The following ADARB1 variants were observed in gnomAD, a reference collection of about 807,000 sequenced individuals.
ADARB1 encodes the protein adenosine deaminase RNA specific B1.
A neutral mutation model predicts 52.4 loss-of-function variants in ADARB1; 10 were observed. The observed-to-expected ratio is 0.19, with a 90% CI of 0.12 to 0.32. ADARB1 has a LOEUF of 0.32. Among genes scored for constraint, ADARB1 ranks in the 10% least tolerant of loss-of-function variants. The pLI, the probability that ADARB1 is intolerant of heterozygous loss-of-function variation, is 1.00. For missense variants in ADARB1, 643 were observed against 922.3 expected (o/e 0.70, Z 3.92); for synonymous variants, 349 against 371.1 (o/e 0.94, Z 0.68).
At chr21:45,179,329 C>A (rs967598221) in intron 4 of ADARB1, among the ~76,000 whole-genome samples, 2 of 152,240 alleles carry the variant, frequency 1.3e-5, no homozygotes, top group African/African-American at 4.8e-5. Flanking sequence ...AACATCCTGA[C>A]AACTATCTTT....
Position 45,176,291 on chromosome 21 carries a change from A to T in ADARB1, c.590A>T (p.Asp197Val). Residue 197 changes from aspartate to valine, a missense_variant, in exon 4 of 11, where the codon GAT (aspartate) becomes GTT (valine). Transcript: ENST00000348831. This position sits in a 1 kb window ranked among gnomAD's most constrained non-coding sequence, Gnocchi z 5.8. ...CCCTTTTACGTGGGCTCCAATGGGG[A>T]TGACTCCTTCAGTTCCAGCGGGGAC... ...EPPFYVGSNG[D>V]DSFSSSGDLS... The T allele has an allele frequency of 1.2e-6, 2 of 1,614,126 alleles. No individual in the cohort carries two copies. The highest frequency in any genetic ancestry group is 1.7e-6 in the Non-Finnish European group (2 of 1,180,004).
At chr21:45,136,882 G>A (rs1309035476) in intron 2 of ADARB1, among the ~76,000 whole-genome samples, 1 of 152,134 alleles carries the variant, frequency 6.6e-6, no homozygotes, top group Non-Finnish European at 1.5e-5. Context: ...AGTAAAGCTT[G>A]GTTTAAACAG....
chr21:45,172,769 G>A lies in ADARB1; in HGVS notation c.28+1085G>A, dbSNP rs2091538910. On this transcript the variant is annotated intron_variant, in intron 3 of 10. Coordinates refer to ENST00000348831, the MANE Select transcript of ADARB1 (RefSeq NM_001112.4). The surrounding 1 kb of genome is among the most constrained non-coding windows in gnomAD (Gnocchi z 4.4). ...CTGCAGTGCTACCCAGGAACCACGGGACCAGCGTGCTCACCTCACTTCCGC... is the reference window on the plus strand; with the variant it reads ...CTGCAGTGCTACCCAGGAACCACGGAACCAGCGTGCTCACCTCACTTCCGC... Among the ~76,000 whole-genome samples the A allele has an allele frequency of 5.3e-5, 8 of 152,222 alleles. No individual in the cohort carries two copies.
At chr21:45,141,071 G>T (rs2089694527) in intron 2 of ADARB1, among the ~76,000 whole-genome samples, 1 of 152,130 alleles carries the variant, frequency 6.6e-6, no homozygotes, top group African/African-American at 2.4e-5. Flanking sequence ...GGTGGCACAT[G>T]CCTGTAGTCC....
rs554824608 is a variant in ADARB1, at chr21:45,159,670, T to C, written c.-47-11940T>C. ...TTCCTGGTGTCCAATGGGAGGCGAA[T>C]AGGCCCCTTTGCACCTCTTAACCAC... On this transcript the variant is annotated intron_variant, in intron 2 of 10. Transcript: ENST00000348831. Among the ~76,000 whole-genome samples, 4 of 152,280 alleles carry C rather than the reference T, an allele frequency of 2.6e-5. No homozygotes were observed. In the South Asian group the frequency reaches 8.3e-4, roughly 32 times the overall value.
intron 1 of ADARB1, among the ~76,000 whole-genome samples, chr21:45,116,493 A>G (rs1044470061): frequency 6.6e-6 from 1 of 152,238 alleles, no homozygotes; most frequent in African/African-American, 2.4e-5. Flanking sequence ...TTTTGTTATT[A>G]TTTTGTATGT....
chr21:45,169,432 TTG>T (rs2091392861), intron 2 of ADARB1, among the ~76,000 whole-genome samples: 1 of 152,178 alleles, frequency 6.6e-6, no homozygotes, highest in Non-Finnish European at 1.5e-5. Context: ...TTGCAGCTTT[TTG>T]TGTGTTTTGT....
At chr21:45,210,985 C>T (rs113518467) in intron 9 of ADARB1, among the ~76,000 whole-genome samples, 23 of 152,386 alleles carry the variant, frequency 1.5e-4, no homozygotes, top group African/African-American at 5.3e-4. Flanking sequence ...AGCTGGTGTT[C>T]TAAAACCCTG....
At chr21:45,166,266 A>G (rs1265010798) in intron 2 of ADARB1, among the ~76,000 whole-genome samples, 1 of 152,168 alleles carries the variant, frequency 6.6e-6, no homozygotes, top group African/African-American at 2.4e-5. Flanking sequence ...TATAACAATC[A>G]TTTACCTACC....
At chr21:45,086,899 G>C (rs1365691182) in intron 1 of ADARB1, among the ~76,000 whole-genome samples, 1 of 152,174 alleles carries the variant, frequency 6.6e-6, no homozygotes, top group Non-Finnish European at 1.5e-5. Context: ...TGCTAGCAAG[G>C]GCCATTTATT....
intron 2 of ADARB1, among the ~76,000 whole-genome samples, chr21:45,133,932 C>T (rs1271379713): frequency 1.9e-5 from 2 of 104,294 alleles, no homozygotes; most frequent in African/African-American, 7.8e-5. Context: ...TGTGTGCGCC[C>T]GACGGGGGTG....
intron 1 of ADARB1, among the ~76,000 whole-genome samples, chr21:45,082,723 A>G (rs2086200822): frequency 6.6e-6 from 1 of 152,184 alleles, no homozygotes; most frequent in African/African-American, 2.4e-5. Flanking sequence ...CCTCATGATG[A>G]TCTTAGGATG....
chr21:45,121,589 T>C (rs1488880233), intron 1 of ADARB1, among the ~76,000 whole-genome samples: 2 of 152,196 alleles, frequency 1.3e-5, no homozygotes, highest in African/African-American at 4.8e-5. Context: ...CTTTTGGTAC[T>C]TTCTGTCTCT....
intron 2 of ADARB1, among the ~76,000 whole-genome samples, chr21:45,170,802 C>T (rs2091449735): frequency 6.6e-6 from 1 of 152,078 alleles, no homozygotes; most frequent in South Asian, 2.1e-4. Context: ...TGTATTAATA[C>T]AGTCTGACAA....
chr21:45,118,232 G>C (rs527387091), intron 1 of ADARB1, among the ~76,000 whole-genome samples: 1 of 152,290 alleles, frequency 6.6e-6, no homozygotes, highest in African/African-American at 2.4e-5. Context: ...GTTTCTAGCT[G>C]CCTCAGTTGC....
intron 2 of ADARB1, chr21:45,144,511 C>A: frequency 3.9e-6 from 1 of 259,232 alleles, no homozygotes. Flanking sequence ...TGTAAACTGT[C>A]AGTTTAATCA....
intron 8 of ADARB1, among the ~76,000 whole-genome samples, chr21:45,198,492 TTAAATCACACACACA>T (rs1569156100): frequency 7.0e-6 from 1 of 143,200 alleles, no homozygotes; most frequent in Non-Finnish European, 1.5e-5. Context: ...GCCTATTAAA[TTAAATCACACACACA>T]CACACACACA....
In ADARB1 at chr21:45,223,207, C is replaced by T; in HGVS notation, c.*1010C>T. 1.0e-6 allele frequency: 1 copy of T among 985,472 alleles called. No homozygotes were observed. Among genetic ancestry groups the T allele is most frequent in the Non-Finnish European group, 1.2e-6 (1 of 829,940 alleles). 61.0% of individuals were successfully genotyped at this position (985,472 alleles called of 1,614,324 possible). A position where few individuals can be genotyped will look rare whatever the true frequency, so the allele number is the denominator to read the frequency against. ...AGAATGATTTCAGTAGATACTCATT[C>T]TTGGAAAATGCCATAGTTTTAAATT... On this transcript the variant is annotated 3_prime_UTR_variant, in exon 11 of 11. Transcript: ENST00000348831.
chr21:45,079,360 A>C (rs1035477532), intron 1 of ADARB1, among the ~76,000 whole-genome samples: 7 of 152,284 alleles, frequency 4.6e-5, no homozygotes, highest in Non-Finnish European at 8.8e-5. Context: ...AAAGGAAAAT[A>C]CAAGTAAAAT....
Sources: allele counts gnomAD v4.1 joint callset (sites outside exome capture counted in the v4.1 genomes callset), GRCh38; gene constraint gnomAD v4.1.1; non-coding constraint Gnocchi (gnomAD v3.1); transcripts MANE v1.5; gene names NCBI Gene and HGNC (gene_info 2026-07-23, HGNC 2026-07-21).